The following SLC14A2 variants were observed in gnomAD, a reference collection of about 807,000 sequenced individuals.
SLC14A2 encodes the protein solute carrier family 14 member 2.
In SLC14A2, 91 loss-of-function variants were observed where a neutral mutation model predicts 104.6. That is an observed-to-expected ratio of 0.87 (90% CI 0.73 to 1.04). SLC14A2 has a LOEUF of 1.04. SLC14A2 is among the 50% of genes least tolerant of loss of function. SLC14A2 has a pLI of 0.00. For synonymous variants in SLC14A2, 476 were observed against 466.4 expected, an observed-to-expected ratio of 1.02 and a Z score of -0.27; for missense variants, 1,189 against 1,156.0, an observed-to-expected ratio of 1.03 and a Z score of -0.41.
the SLC14A2 span, among the ~76,000 whole-genome samples, chr18:45,185,394 G>T: frequency 6.6e-6 from 1 of 151,934 alleles, no homozygotes; most frequent in Admixed American, 6.6e-5. Flanking sequence ...GGCCACCTGA[G>T]GCTGGCCAGA....
chr18:45,341,463 T>C (rs1367860894), intron 1 of SLC14A2, among the ~76,000 whole-genome samples: 7 of 152,262 alleles, frequency 4.6e-5, no homozygotes, highest in South Asian at 4.1e-4. Context: ...GTTTAATCTC[T>C]CCTCCTATAA....
intron 10 of SLC14A2, among the ~76,000 whole-genome samples, chr18:45,658,753 C>T (rs983893162): frequency 2.0e-5 from 3 of 151,816 alleles, no homozygotes; most frequent in African/African-American, 7.3e-5. Flanking sequence ...AGTGTTATAA[C>T]TTTATTTCAC....
chr18:45,646,816 A>G (rs2045634185), intron 10 of SLC14A2: 1 of 152,106 alleles, frequency 6.6e-6, no homozygotes, highest in Non-Finnish European at 1.5e-5. Context: ...CACAGCACCA[A>G]CATGAGGTTG....
chr18:45,528,485 A>T (rs917116489), intron 2 of SLC14A2: 3 of 152,100 alleles, frequency 2.0e-5, no homozygotes, highest in Non-Finnish European at 2.9e-5. Flanking sequence ...CAGGGTCATA[A>T]ATCACAAATA....
In SLC14A2 at chr18:45,637,473, A is replaced by G. The variant is rs139536985; in HGVS notation, c.843+291A>G. On this transcript the variant is annotated intron_variant, in intron 6 of 19. Coordinates refer to ENST00000255226, the MANE Select transcript of SLC14A2 (RefSeq NM_007163.4). The stretch of plus-strand genomic sequence containing the variant: ...TATACGGGGAAACAGATAACATGCA[A>G]GTGAACAGATAAGCGTTGACAGTAC... 1.7e-3 allele frequency among the ~76,000 whole-genome samples: 266 copies of G among 152,368 alleles called. 2 individuals carry two copies. The highest frequency in any genetic ancestry group is 3.4e-3 in the African/African-American group (141 of 41,588).
intron 1 of SLC14A2, among the ~76,000 whole-genome samples, chr18:45,256,410 TTA>T (rs760756359): frequency 1.3e-5 from 2 of 152,218 alleles, no homozygotes; most frequent in Admixed American, 6.5e-5. Context: ...TGGCACTTCT[TTA>T]TGATAGTTCA....
intron 2 of SLC14A2, among the ~76,000 whole-genome samples, chr18:45,536,911 C>T (rs1420309917): frequency 6.6e-6 from 1 of 152,066 alleles, no homozygotes; most frequent in Non-Finnish European, 1.5e-5. Context: ...GGTGGGCATC[C>T]TTGCAGGCCT....
At chr18:45,426,516 A>G (rs1684272704) in intron 1 of SLC14A2, among the ~76,000 whole-genome samples, 1 of 151,480 alleles carries the variant, frequency 6.6e-6, no homozygotes, top group African/African-American at 2.4e-5. Flanking sequence ...TATCCCTGAT[A>G]ACACAAGCAG....
At chr18:45,606,734 T>TAAAAAAAAA (rs781251287) in intron 2 of SLC14A2, among the ~76,000 whole-genome samples, 4 of 76,638 alleles carry the variant, frequency 5.2e-5, no homozygotes, top group African/African-American at 1.7e-4. Flanking sequence ...AAAGTCTAAT[T>TAAAAAAAAA]AAAAAAAAAA....
intron 1 of SLC14A2, among the ~76,000 whole-genome samples, chr18:45,323,620 A>C (rs1836953000): frequency 6.6e-6 from 1 of 152,228 alleles, no homozygotes; most frequent in South Asian, 2.1e-4. Flanking sequence ...GTTCAAAATC[A>C]GTTAAACATT....
At chr18:45,567,121 C>T (rs2044278589) in intron 2 of SLC14A2, among the ~76,000 whole-genome samples, 1 of 144,290 alleles carries the variant, frequency 6.9e-6, no homozygotes, top group Non-Finnish European at 1.5e-5. Context: ...AGAAAAAGGA[C>T]CAGGGAGCAA....
intron 2 of SLC14A2, among the ~76,000 whole-genome samples, chr18:45,590,061 G>C (rs1013015028): frequency 6.6e-6 from 1 of 152,180 alleles, no homozygotes; most frequent in Non-Finnish European, 1.5e-5. Context: ...GGGATGATTT[G>C]CTTCAGAGCG....
chr18:45,208,666 A>G (rs189611813), upstream of SLC14A2, among the ~76,000 whole-genome samples: 1 of 152,286 alleles, frequency 6.6e-6, no homozygotes, highest in African/African-American at 2.4e-5. Flanking sequence ...AGAGAAAGAA[A>G]GAGACTGAAA....
chr18:45,511,003 A>G (rs556850217), intron 2 of SLC14A2, among the ~76,000 whole-genome samples: 11 of 152,308 alleles, frequency 7.2e-5, no homozygotes, highest in Admixed American at 4.6e-4. Flanking sequence ...TCTGCAGGGC[A>G]GAGGCCAAGA....
chr18:45,616,362 T>C (rs2144472730), intron 1 of SLC14A2, among the ~76,000 whole-genome samples: 1 of 152,356 alleles, frequency 6.6e-6, no homozygotes, highest in South Asian at 2.1e-4. Context: ...ATACAACTAT[T>C]ATTCTATATT....
chr18:45,205,173 T>A, the SLC14A2 span, among the ~76,000 whole-genome samples: 1 of 152,126 alleles, frequency 6.6e-6, no homozygotes, highest in African/African-American at 2.4e-5. Flanking sequence ...GCCCAGACCT[T>A]CCCCTAGCAG....
At chr18:45,182,427 T>C in the SLC14A2 span, among the ~76,000 whole-genome samples, 1 of 151,782 alleles carries the variant, frequency 6.6e-6, no homozygotes, top group Non-Finnish European at 1.5e-5. Flanking sequence ...CTGAAAAAAA[T>C]TGTTAAAGAC....
chr18:45,400,642 A>G (rs569623569), intron 1 of SLC14A2, among the ~76,000 whole-genome samples: 5 of 152,268 alleles, frequency 3.3e-5, no homozygotes, highest in African/African-American at 1.2e-4. Context: ...TTTATTATCC[A>G]TCAATGTTTC....
In SLC14A2 at chr18:45,624,703, A is replaced by G. The variant is rs1231341961; in HGVS notation, c.39A>G (p.Pro13=). 1 of 1,613,216 alleles carries G rather than the reference A, an allele frequency of 6.2e-7. No homozygotes were observed. The highest frequency in any genetic ancestry group is 8.5e-7 in the Non-Finnish European group (1 of 1,179,658). The part of the protein sequence containing the change: ...DPHSSPLLPE[P]LSSRYKLYEA... The stretch of plus-strand genomic sequence containing the variant: ...ACAGCAGTCCTCTCCTGCCAGAGCC[A>G]CTTTCCAGCAGATACAAACTCTACG... Residue 13 remains proline (P), a synonymous_variant, in exon 2 of 20, where the codon CCA becomes CCG. Coordinates refer to ENST00000255226, the MANE Select transcript of SLC14A2 (RefSeq NM_007163.4).
Sources: allele counts gnomAD v4.1 joint callset (sites outside exome capture counted in the v4.1 genomes callset), GRCh38; gene constraint gnomAD v4.1.1; transcripts MANE v1.5; gene names NCBI Gene and HGNC (gene_info 2026-07-23, HGNC 2026-07-21).